Variants in GRIA1 observed in about 807,000 individuals in gnomAD.
GRIA1 encodes the protein glutamate ionotropic receptor AMPA type subunit 1.
In GRIA1, 31 loss-of-function variants were observed where a neutral mutation model predicts 99.2. The observed-to-expected ratio is 0.31, with a 90% CI of 0.23 to 0.42. The LOEUF is 0.42. GRIA1 is among the 10% of genes least tolerant of loss of function. The pLI, the probability that GRIA1 is intolerant of heterozygous loss-of-function variation, is 1.00. For synonymous variants in GRIA1, 438 were observed against 432.4 expected, an observed-to-expected ratio of 1.01 and a Z score of -0.16; for missense variants, 782 against 1,157.5, an observed-to-expected ratio of 0.68 and a Z score of 4.71.
intron 11 of GRIA1, among the ~76,000 whole-genome samples, chr5:153,762,752 G>T (rs1382866091): frequency 6.6e-6 from 1 of 152,074 alleles, no homozygotes; most frequent in Non-Finnish European, 1.5e-5. Flanking sequence ...TCTGTAAATG[G>T]TTCACTACTT....
intron 2 of GRIA1, among the ~76,000 whole-genome samples, chr5:153,613,981 G>A (rs765497437): frequency 6.6e-5 from 10 of 152,210 alleles, no homozygotes; most frequent in East Asian, 3.9e-4. Context: ...CAATCTTCAC[G>A]CTGTAGCCAC....
intron 5 of GRIA1, among the ~76,000 whole-genome samples, chr5:153,657,938 C>G (rs917830914): frequency 1.3e-5 from 2 of 152,104 alleles, no homozygotes; most frequent in African/African-American, 4.8e-5. Context: ...GAATTTTTGA[C>G]TTCGGAGTGA....
At chr5:153,726,667 C>T (rs1760558704) in intron 11 of GRIA1, among the ~76,000 whole-genome samples, 1 of 152,222 alleles carries the variant, frequency 6.6e-6, no homozygotes, top group Non-Finnish European at 1.5e-5. Flanking sequence ...TCGACACATA[C>T]ACCCTCCCAA....
chr5:153,796,743 G>T (rs933165994), intron 14 of GRIA1, among the ~76,000 whole-genome samples: 1 of 152,144 alleles, frequency 6.6e-6, no homozygotes, highest in African/African-American at 2.4e-5. Context: ...CAATGATAAA[G>T]CTGGGCATGA....
At chr5:153,717,263 G>C (rs1356586687) in intron 11 of GRIA1, among the ~76,000 whole-genome samples, 1 of 152,112 alleles carries the variant, frequency 6.6e-6, no homozygotes, top group African/African-American at 2.4e-5. Context: ...AATTCGTGTG[G>C]GCTAAGGTGA....
intron 8 of GRIA1, among the ~76,000 whole-genome samples, chr5:153,690,851 T>C (rs1334850113): frequency 6.6e-6 from 1 of 152,226 alleles, no homozygotes; most frequent in African/African-American, 2.4e-5. Context: ...AGAAAATCAA[T>C]TCCTCACATC....
At chr5:153,729,642 G>A (rs1373151203) in intron 11 of GRIA1, among the ~76,000 whole-genome samples, 5 of 151,970 alleles carry the variant, frequency 3.3e-5, no homozygotes, top group African/African-American at 1.2e-4. Flanking sequence ...ATTTCATCTT[G>A]TGAATTTTCC....
intron 7 of GRIA1, among the ~76,000 whole-genome samples, chr5:153,680,104 A>G (rs1162323662): frequency 6.6e-6 from 1 of 152,132 alleles, no homozygotes; most frequent in Non-Finnish European, 1.5e-5. Context: ...CCACATTTAG[A>G]TGATGCCTCC....
At chr5:153,613,390 T>G (rs1330745687) in intron 2 of GRIA1, among the ~76,000 whole-genome samples, 1 of 152,216 alleles carries the variant, frequency 6.6e-6, no homozygotes, top group Non-Finnish European at 1.5e-5. Flanking sequence ...TTTCCATGGT[T>G]TGGGTTCCTG....
chr5:153,713,186 A>G (rs6884728), intron 11 of GRIA1, among the ~76,000 whole-genome samples: 107,363 of 152,186 alleles, frequency 0.71, 38,257 homozygotes, highest in East Asian at 0.96. Flanking sequence ...TTGGCACAGG[A>G]GTGTTGACTG....
chr5:153,649,436 T>TTTAG (rs1460265932), intron 3 of GRIA1, among the ~76,000 whole-genome samples: 2 of 97,126 alleles, frequency 2.1e-5, no homozygotes, highest in African/African-American at 6.5e-5. Context: ...ATTTTATTTA[T>TTTAG]TTATTTAGTT....
At chr5:153,562,695 G>A (rs1276957625) in intron 2 of GRIA1, among the ~76,000 whole-genome samples, 1 of 152,162 alleles carries the variant, frequency 6.6e-6, no homozygotes, top group Non-Finnish European at 1.5e-5. Context: ...GAGTGAGTAA[G>A]TGAGTGAGTG....
intron 11 of GRIA1, among the ~76,000 whole-genome samples, chr5:153,738,809 G>A (rs1007447088): frequency 1.5e-5 from 2 of 136,248 alleles, no homozygotes; most frequent in African/African-American, 5.6e-5. Flanking sequence ...CGCAACCTCC[G>A]CCTCCCAGGT....
intron 1 of GRIA1, 23 bp from the exon 2 acceptor site, chr5:153,493,905 T>A (rs781218575): frequency 7.4e-6 from 12 of 1,613,438 alleles, no homozygotes; most frequent in Non-Finnish European, 1.0e-5. Context: ...CCATATACCA[T>A]GTTGCATTTT....
Position 153,490,719 on chromosome 5 carries a change from A to C in GRIA1, c.-170A>C. 1 of 696,660 alleles carries C rather than the reference A, an allele frequency of 1.4e-6. No individual in the cohort carries two copies. The allele number at this position is 696,660 out of a possible 1,614,324, so 43.2% of individuals were successfully genotyped here. On this transcript the variant is annotated 5_prime_UTR_variant, in exon 1 of 16. Coordinates refer to ENST00000285900, the MANE Select transcript of GRIA1 (RefSeq NM_000827.4). ...TTAACGCTGCAGTTTAAGTGTTCGG[A>C]TTCCAAGGGAAACAGACAAACCTCA...
At chr5:153,547,099 C>T (rs1222055299) in intron 2 of GRIA1, among the ~76,000 whole-genome samples, 1 of 152,212 alleles carries the variant, frequency 6.6e-6, no homozygotes, top group Admixed American at 6.5e-5. Flanking sequence ...AGGCCGCATG[C>T]AGCCCAACAC....
At chr5:153,494,216 T>A in intron 2 of GRIA1, 151 bp downstream of exon 2, 1 of 720,436 alleles carries the variant, frequency 1.4e-6, no homozygotes, top group Non-Finnish European at 2.3e-6. Context: ...TAGAGGCTTC[T>A]GAGTGATTCC....
intron 2 of GRIA1, among the ~76,000 whole-genome samples, chr5:153,585,228 G>T (rs1763366685): frequency 6.6e-6 from 1 of 150,608 alleles, no homozygotes; most frequent in Admixed American, 6.6e-5. Context: ...TTCTGACCTG[G>T]CCTCACTTCC....
intron 2 of GRIA1, among the ~76,000 whole-genome samples, chr5:153,640,874 A>G (rs1451192309): frequency 2.6e-5 from 4 of 152,138 alleles, no homozygotes; most frequent in African/African-American, 9.7e-5. Flanking sequence ...GACACCCTGG[A>G]TGTGTCTCAG....
Sources: gnomAD v4.1 joint callset for allele counts (sites outside exome capture counted in the v4.1 genomes callset) on GRCh38, gnomAD v4.1.1 for gene constraint, MANE v1.5 for transcripts, NCBI Gene and HGNC (gene_info 2026-07-23, HGNC 2026-07-21) for gene names.